The following MCU variants were observed in gnomAD, a reference collection of about 807,000 sequenced individuals.
The protein encoded by MCU is calcium uniporter protein, mitochondrial.
MCU carries 12 observed loss-of-function variants against 45.2 expected under a neutral mutation model. That is an observed-to-expected ratio of 0.27 (90% CI 0.17 to 0.43). The LOEUF (loss-of-function observed/expected upper bound fraction) is 0.43, where lower values mean the gene tolerates loss of function less well. MCU is among the 20% of genes least tolerant of loss of function. The pLI is 1.00. For synonymous variants in MCU, 160 were observed against 165.1 expected (o/e 0.97, Z 0.24); for missense variants, 324 against 436.7 (o/e 0.74, Z 2.30).
intron 1 of MCU, among the ~76,000 whole-genome samples, chr10:72,718,406 A>C (rs1842979706): frequency 6.6e-6 from 1 of 152,216 alleles, no homozygotes; most frequent in Admixed American, 6.5e-5. Context: ...TTGCTGGTGA[A>C]AATATTCTAA....
At chr10:72,700,058 ATTT>A (rs71021525) in intron 1 of MCU, among the ~76,000 whole-genome samples, 2 of 135,382 alleles carry the variant, frequency 1.5e-5, no homozygotes, top group African/African-American at 2.8e-5. Context: ...TTGGGGTCAA[ATTT>A]TTTTTTTTTT....
intron 6 of MCU, among the ~76,000 whole-genome samples, chr10:72,880,157 G>A (rs1190989394): frequency 6.6e-6 from 1 of 152,224 alleles, no homozygotes; most frequent in Non-Finnish European, 1.5e-5. Context: ...GAATAAGGTA[G>A]AAGTACCGCT....
At chr10:72,699,999 CTT>C (rs751770941) in intron 1 of MCU, among the ~76,000 whole-genome samples, 19 of 151,070 alleles carry the variant, frequency 1.3e-4, no homozygotes, top group Non-Finnish European at 2.7e-4. Flanking sequence ...TTACACAATT[CTT>C]TGTTTCATTT....
At chr10:72,784,703 G>A (rs1844045981) in intron 1 of MCU, among the ~76,000 whole-genome samples, 1 of 152,186 alleles carries the variant, frequency 6.6e-6, no homozygotes. Flanking sequence ...GCTAGGGAAA[G>A]CCTGTCCGTA....
intron 1 of MCU, among the ~76,000 whole-genome samples, chr10:72,742,144 A>G (rs367956429): frequency 3.3e-5 from 5 of 152,126 alleles, no homozygotes; most frequent in East Asian, 3.8e-4. Flanking sequence ...AGATATGCCA[A>G]TATTTACCAT....
At chr10:72,765,211 A>C (rs1156369643) in intron 1 of MCU, among the ~76,000 whole-genome samples, 1 of 152,128 alleles carries the variant, frequency 6.6e-6, no homozygotes, top group Non-Finnish European at 1.5e-5. Context: ...AGTGCAGTTA[A>C]TTTACAACTA....
rs149732888 is a variant in MCU, at chr10:72,734,956, G to A, written c.150+42655G>A. On this transcript the variant is annotated intron_variant, in intron 1 of 7. Coordinates refer to ENST00000373053, the MANE Select transcript of MCU (RefSeq NM_138357.3). ...TAGCTGGGTGTGGTGGTGCATACCCGTAGTCCCAGCTACTAGGGAGGCTGA... is the reference window on the plus strand; with the variant it reads ...TAGCTGGGTGTGGTGGTGCATACCCATAGTCCCAGCTACTAGGGAGGCTGA... Among the ~76,000 whole-genome samples the A allele has an allele frequency of 1.7e-4, 26 of 151,868 alleles. No homozygotes were observed. The East Asian group carries it at 3.9e-3, about 23-fold the overall frequency.
chr10:72,873,013 GTTT>G (rs1193681306), intron 6 of MCU, among the ~76,000 whole-genome samples: 1 of 88,858 alleles, frequency 1.1e-5, no homozygotes, highest in Non-Finnish European at 2.3e-5. Flanking sequence ...TGTTTTTTGG[GTTT>G]TTTTTTTTTT....
chr10:72,763,645 T>TAG (rs1261808838), intron 1 of MCU, among the ~76,000 whole-genome samples: 1 of 152,154 alleles, frequency 6.6e-6, no homozygotes, highest in Non-Finnish European at 1.5e-5. Context: ...GTTTATCCTG[T>TAG]AGACAGTGGC....
intron 1 of MCU, among the ~76,000 whole-genome samples, chr10:72,803,280 G>GT (rs1236232742): frequency 6.6e-6 from 1 of 150,858 alleles, no homozygotes; most frequent in Non-Finnish European, 1.5e-5. Context: ...AATTTTTCTT[G>GT]TATTTCTTCA....
At chr10:72,761,375 T>C (rs184443336) in intron 1 of MCU, among the ~76,000 whole-genome samples, 1 of 152,368 alleles carries the variant, frequency 6.6e-6, no homozygotes. Context: ...ATAAGAAAGA[T>C]AGGGCTGTCA....
intron 6 of MCU, among the ~76,000 whole-genome samples, 185 bp downstream of exon 6, chr10:72,871,765 T>C (rs765821016): frequency 6.6e-6 from 1 of 152,226 alleles, no homozygotes; most frequent in Admixed American, 6.5e-5. Flanking sequence ...GAGAGGTAGA[T>C]ATAAGACATG....
chr10:72,864,286 TTG>T (rs780020858), intron 4 of MCU, among the ~76,000 whole-genome samples: 18 of 152,316 alleles, frequency 1.2e-4, no homozygotes, highest in South Asian at 4.1e-4. Flanking sequence ...CAAAATTTTT[TTG>T]TGTTTAGTCC....
intron 1 of MCU, among the ~76,000 whole-genome samples, chr10:72,749,790 G>A (rs1843467797): frequency 6.6e-6 from 1 of 151,950 alleles, no homozygotes; most frequent in Non-Finnish European, 1.5e-5. Flanking sequence ...TAAATGAGAC[G>A]GAGTCTTGCT....
chr10:72,860,413 A>AT lies in MCU; in HGVS notation c.392-6dup. On this transcript the variant is annotated splice_polypyrimidine_tract_variant and intron_variant, in intron 3 of 7. Coordinates refer to ENST00000373053, the MANE Select transcript of MCU (RefSeq NM_138357.3). The stretch of plus-strand genomic sequence containing the variant: ...GGACCTATGACAAGTTTCATTTGAA[A>AT]TTTTCACAGATGGTGTTCGCGTTGC... 6.2e-7 allele frequency: 1 copy of AT among 1,610,476 alleles called. No individual in the cohort carries two copies. Among genetic ancestry groups the AT allele is most frequent in the Non-Finnish European group, 8.5e-7 (1 of 1,176,898 alleles).
At position 72,786,898 on chromosome 10, in the gene MCU, C is replaced by A. The variant is rs373727633; in HGVS notation, c.151-47461C>A. On this transcript the variant is annotated intron_variant, in intron 1 of 7. Transcript: ENST00000373053. ...TAGGTTATTTCCCATAGCACTTGTT[C>A]TTACACAAATCACCAAATGTGTGCT... Among the ~76,000 whole-genome samples, 59 of 152,274 alleles carry A rather than the reference C, an allele frequency of 3.9e-4. No homozygotes were observed. The South Asian group carries it at 0.012, about 31-fold the overall frequency.
intron 1 of MCU, among the ~76,000 whole-genome samples, chr10:72,782,294 C>T (rs900840466): frequency 6.6e-6 from 1 of 152,154 alleles, no homozygotes; most frequent in Non-Finnish European, 1.5e-5. Flanking sequence ...TACTTCTTCA[C>T]CCTGTGCTTT....
rs190002663 is a variant in MCU at position 72,887,620 on chromosome 10, T to A, written c.*1798T>A. The A allele has an allele frequency of 8.9e-4, 136 of 152,824 alleles. 2 individuals are homozygous for A. The highest frequency in any genetic ancestry group is 1.0e-3 in the Admixed American group (16 of 15,286). The allele number at this position is 152,824 out of a possible 1,614,324, so 9.5% of individuals were successfully genotyped here. On this transcript the variant is annotated 3_prime_UTR_variant, in exon 8 of 8. Transcript: ENST00000373053. Reference sequence around the variant, plus strand: ...AGCAAACTATTGAACATGTGTAAAATCCTGTATCATTTATGAAATATGTAT... The same window carrying A: ...AGCAAACTATTGAACATGTGTAAAAACCTGTATCATTTATGAAATATGTAT...
chr10:72,824,647 C>T (rs1272326205), intron 1 of MCU, among the ~76,000 whole-genome samples: 1 of 152,022 alleles, frequency 6.6e-6, no homozygotes, highest in Non-Finnish European at 1.5e-5. Flanking sequence ...AAAACAAAAC[C>T]AGCTACTTTG....
Sources: gnomAD v4.1 joint callset for allele counts (sites outside exome capture counted in the v4.1 genomes callset) on GRCh38, gnomAD v4.1.1 for gene constraint, MANE v1.5 for transcripts, NCBI Gene and HGNC (gene_info 2026-07-23, HGNC 2026-07-21) for gene names.